Variants in CHST11 observed in about 807,000 individuals in gnomAD.
CHST11 encodes C4S-1.
Under a neutral mutation model 30.4 loss-of-function variants are expected in CHST11, and 9 were observed. The observed-to-expected ratio is 0.30, with a 90% CI of 0.18 to 0.52. CHST11 has a LOEUF of 0.52. Ranked by LOEUF, CHST11 falls within the 20% of genes least tolerant of loss-of-function variation. The pLI, the probability that CHST11 is intolerant of heterozygous loss-of-function variation, is 0.97. For missense variants in CHST11, 348 were observed against 460.6 expected (o/e 0.76, Z 2.24); for synonymous variants, 152 against 187.8 (o/e 0.81, Z 1.56).
chr12:104,459,378 G>A (rs1431373768), intron 1 of CHST11, among the ~76,000 whole-genome samples: 1 of 152,162 alleles, frequency 6.6e-6, no homozygotes, highest in African/African-American at 2.4e-5. Flanking sequence ...TAAACAAGGG[G>A]CCGGTGATTT....
rs138358052 is a variant in CHST11 at position 104,618,702 on chromosome 12, C to T, written c.204+16711C>T. On this transcript the variant is annotated intron_variant, in intron 2 of 2. Coordinates refer to ENST00000303694, the MANE Select transcript of CHST11 (RefSeq NM_018413.6). ...ACTCCCTCACATTCAGACAGCCTTT[C>T]ACTGCTTTTCAAATACATCATTCCC... Among the ~76,000 whole-genome samples the T allele has an allele frequency of 4.3e-3, 651 of 152,254 alleles. 6 individuals are homozygous for T. Among genetic ancestry groups the T allele is most frequent in the African/African-American group, 0.015 (618 of 41,544 alleles).
intron 1 of CHST11, among the ~76,000 whole-genome samples, chr12:104,517,100 G>A (rs769205892): frequency 5.9e-5 from 9 of 152,178 alleles, no homozygotes; most frequent in Non-Finnish European, 1.0e-4. Context: ...GCCTTGAGAG[G>A]TTTAGTAACA....
intron 2 of CHST11, among the ~76,000 whole-genome samples, chr12:104,669,504 G>C (rs1229335152): frequency 6.6e-6 from 1 of 152,156 alleles, no homozygotes; most frequent in Non-Finnish European, 1.5e-5. Flanking sequence ...CTCCAGACCT[G>C]GGTGCATTCG....
rs534699607 is a variant in CHST11, at chr12:104,461,822, A to T, written c.118+4293A>T. On this transcript the variant is annotated intron_variant, in intron 1 of 2. Transcript: ENST00000303694. ...AGGTTGAACCTAAAATGCATTTTGT[A>T]TTATAATTTTAAACGAATTGTAAAC... Among the ~76,000 whole-genome samples, 4 of 152,290 alleles carry T rather than the reference A, an allele frequency of 2.6e-5. No homozygotes were observed. In the East Asian group the frequency reaches 7.7e-4, roughly 29 times the overall value.
chr12:104,697,964 C>T (rs2039961326), intron 2 of CHST11, among the ~76,000 whole-genome samples: 1 of 152,182 alleles, frequency 6.6e-6, no homozygotes, highest in South Asian at 2.1e-4. Flanking sequence ...ATATTTGGGC[C>T]TCTTCTCCCA....
Position 104,757,753 on chromosome 12 carries a change from G to T in CHST11, c.1009G>T (p.Asp337Tyr). 6.2e-7 allele frequency: 1 copy of T among 1,614,058 alleles called. No individual in the cohort carries two copies. Among genetic ancestry groups the T allele is most frequent in the Non-Finnish European group, 8.5e-7 (1 of 1,180,006 alleles). Reference sequence around the variant, plus strand: ...GCAGCTGTACGAAGTCTACAAACTCGATTTTTTAATGTTCAATTACTCAGT... The same window carrying T: ...GCAGCTGTACGAAGTCTACAAACTCTATTTTTTAATGTTCAATTACTCAGT... Reference protein sequence around the residue: ...QTQLYEVYKLDFLMFNYSVPS... With the variant: ...QTQLYEVYKLYFLMFNYSVPS... Residue 337 changes from aspartate to tyrosine, a missense_variant, in exon 3 of 3, where the codon GAT (aspartate) becomes TAT (tyrosine). Transcript: ENST00000303694. This position sits in a 1 kb window ranked among gnomAD's most constrained non-coding sequence, Gnocchi z 6.5.
chr12:104,659,957 G>C (rs1192294644), intron 2 of CHST11, among the ~76,000 whole-genome samples: 1 of 152,176 alleles, frequency 6.6e-6, no homozygotes, highest in African/African-American at 2.4e-5. Context: ...ACTCCAGCCT[G>C]GGCAACAGAG....
At position 104,574,875 on chromosome 12, in the gene CHST11, AG is replaced by A. The variant is rs199758878; in HGVS notation, c.119-27030del. ...AGTATAATTAAAAAAAAAGAAAAAA[AG>A]AAAGAAAAAGGAACTATTAAAAATG... On this transcript the variant is annotated intron_variant, in intron 1 of 2. Transcript: ENST00000303694. Among the ~76,000 whole-genome samples the A allele has an allele frequency of 4.9e-3, 744 of 150,458 alleles. 6 individuals carry two copies. Among genetic ancestry groups the A allele is most frequent in the African/African-American group, 0.013 (529 of 41,018 alleles).
chr12:104,604,266 G>C (rs1247568167), intron 2 of CHST11, among the ~76,000 whole-genome samples: 1 of 152,198 alleles, frequency 6.6e-6, no homozygotes, highest in South Asian at 2.1e-4. Context: ...TAGGGCTGGA[G>C]AGCAGCTCTG....
intron 1 of CHST11, among the ~76,000 whole-genome samples, chr12:104,521,700 C>G (rs1030825712): frequency 2.0e-5 from 3 of 152,156 alleles, no homozygotes; most frequent in Non-Finnish European, 2.9e-5. Context: ...TGTCAAAGTA[C>G]TTCACTCTGT....
At chr12:104,571,822 A>G (rs968496798) in intron 1 of CHST11, among the ~76,000 whole-genome samples, 1 of 152,148 alleles carries the variant, frequency 6.6e-6, no homozygotes, top group African/African-American at 2.4e-5. Flanking sequence ...CCAGTTTTTG[A>G]TCATTCAGTA....
At chr12:104,518,191 G>A (rs556692685) in intron 1 of CHST11, among the ~76,000 whole-genome samples, 2 of 152,198 alleles carry the variant, frequency 1.3e-5, no homozygotes, top group Non-Finnish European at 2.9e-5. Context: ...GGAGGCTGAG[G>A]CGGGAGGATT....
At position 104,471,738 on chromosome 12, in the gene CHST11, T is replaced by C. The variant is rs550842469; in HGVS notation, c.118+14209T>C. Among the ~76,000 whole-genome samples the C allele has an allele frequency of 1.5e-3, 233 of 152,284 alleles. 1 individual carries two copies. The highest frequency in any genetic ancestry group is 3.0e-3 in the Non-Finnish European group (205 of 68,016). ...ATACCTGAAATATTGCAACAGGTACTCAATATTAAAACTCACTGCAATATT... is the reference window on the plus strand; with the variant it reads ...ATACCTGAAATATTGCAACAGGTACCCAATATTAAAACTCACTGCAATATT... On this transcript the variant is annotated intron_variant, in intron 1 of 2. Coordinates refer to ENST00000303694, the MANE Select transcript of CHST11 (RefSeq NM_018413.6).
chr12:104,685,432 C>T (rs1247055719), intron 2 of CHST11, among the ~76,000 whole-genome samples: 1 of 152,110 alleles, frequency 6.6e-6, no homozygotes, highest in Non-Finnish European at 1.5e-5. Flanking sequence ...AAAGTTATAC[C>T]ATGATTTATA....
intron 1 of CHST11, among the ~76,000 whole-genome samples, chr12:104,474,903 G>C (rs2037543223): frequency 6.6e-6 from 1 of 152,128 alleles, no homozygotes; most frequent in African/African-American, 2.4e-5. Flanking sequence ...CGGCGGTAGG[G>C]GGTCCCAGTA....
At chr12:104,577,297 A>G (rs1386547022) in intron 1 of CHST11, among the ~76,000 whole-genome samples, 1 of 146,044 alleles carries the variant, frequency 6.8e-6, no homozygotes, top group African/African-American at 2.6e-5. Flanking sequence ...CACATAACAT[A>G]AAATTTACCA....
intron 1 of CHST11, among the ~76,000 whole-genome samples, chr12:104,542,605 C>T (rs2038296043): frequency 6.6e-6 from 1 of 152,180 alleles, no homozygotes; most frequent in East Asian, 1.9e-4. Context: ...AGTGATTATG[C>T]AAAATAGTCT....
intron 1 of CHST11, among the ~76,000 whole-genome samples, chr12:104,518,397 T>C (rs2038045510): frequency 6.6e-6 from 1 of 152,190 alleles, no homozygotes. Flanking sequence ...CATGCTGTAT[T>C]TCCTTCACTA....
Position 104,457,477 on chromosome 12 carries a change from C to T in CHST11, c.66C>T (p.Cys22=). 6.2e-7 allele frequency: 1 copy of T among 1,614,202 alleles called. No individual in the cohort carries two copies. The highest frequency in any genetic ancestry group is 8.5e-7 in the Non-Finnish European group (1 of 1,179,990). ...TCTGCCGGATGGTGCTGGCCACTTG[C>T]TTGGGATCCTTTATCCTGGTCATCT... The part of the protein sequence containing the change: ...NRICRMVLAT[C]LGSFILVIFY... The change falls in exon 1 of 3, where the codon TGC becomes TGT. Residue 22 remains cysteine (C), a synonymous_variant. Transcript: ENST00000303694.
Sources: gnomAD v4.1 joint callset for allele counts (sites outside exome capture counted in the v4.1 genomes callset) on GRCh38, gnomAD v4.1.1 for gene constraint, Gnocchi (gnomAD v3.1) non-coding constraint, MANE v1.5 for transcripts, NCBI Gene and HGNC (gene_info 2026-07-23, HGNC 2026-07-21) for gene names.